Variants in UBE2N observed in about 807,000 individuals in gnomAD.
UBE2N encodes the protein ubiquitin conjugating enzyme E2 N, also known as ubiquitin-conjugating enzyme E2 N.
For missense variants in UBE2N, 60 were observed against 192.1 expected, an observed-to-expected ratio of 0.31 and a Z score of 4.07; for synonymous variants, 70 against 69.2, an observed-to-expected ratio of 1.01 and a Z score of -0.06.
At chr12:93,414,123 T>A (rs923006215) in intron 1 of UBE2N, among the ~76,000 whole-genome samples, 8 of 150,078 alleles carry the variant, frequency 5.3e-5, no homozygotes, top group African/African-American at 2.0e-4. Context: ...ATCGTGCCAT[T>A]GCACTCCAGC....
chr12:93,415,787 C>CA (rs1397352036), intron 1 of UBE2N, among the ~76,000 whole-genome samples: 6 of 152,124 alleles, frequency 3.9e-5, no homozygotes, highest in Non-Finnish European at 7.4e-5. Context: ...CCCAATCCAC[C>CA]ACTCACCAGT....
Position 93,407,084 on chromosome 12 carries a change from G to T in UBE2N, c.*2955C>A. The T allele has an allele frequency of 6.6e-6, 1 of 152,442 alleles. No homozygotes were observed. Among genetic ancestry groups the T allele is most frequent in the Non-Finnish European group, 1.5e-5 (1 of 68,106 alleles). 9.4% of individuals were successfully genotyped at this position (152,442 alleles called of 1,614,324 possible). On this transcript the variant is annotated 3_prime_UTR_variant, in exon 4 of 4. Coordinates refer to ENST00000318066, the MANE Select transcript of UBE2N (RefSeq NM_003348.4). ...GCTGGTCACAAACTCCTGGACTCAA[G>T]TGATCCTCCTGCCTTGGCCTCCTAA...
At chr12:93,430,033 C>G (rs1266296735) in intron 1 of UBE2N, among the ~76,000 whole-genome samples, 3 of 152,134 alleles carry the variant, frequency 2.0e-5, no homozygotes, top group Non-Finnish European at 4.4e-5. Context: ...AATGTCCTAG[C>G]CCTTCAAATC....
rs372483705 is a variant in UBE2N at position 93,426,826 on chromosome 12, G to A, written c.30+15029C>T. Among the ~76,000 whole-genome samples, 13 of 152,218 alleles carry A rather than the reference G, an allele frequency of 8.5e-5. No individual in the cohort carries two copies. In the East Asian group the frequency reaches 1.5e-3, roughly 18 times the overall value. ...TAAGGGAGTGTTAAGGGAAAACTGC[G>A]AGAGACGACAGTGCTGTCTCCCCTC... On this transcript the variant is annotated intron_variant, in intron 1 of 3. Transcript: ENST00000318066.
At chr12:93,414,682 T>C (rs1165323619) in intron 1 of UBE2N, among the ~76,000 whole-genome samples, 1 of 152,144 alleles carries the variant, frequency 6.6e-6, no homozygotes, top group East Asian at 1.9e-4. Flanking sequence ...GATATCCATA[T>C]GGCTTGCTCC....
rs947665638 is a variant in UBE2N at position 93,406,486 on chromosome 12, T to C, written c.*3553A>G. 4.6e-5 allele frequency: 7 copies of C among 152,158 alleles called. No individual in the cohort carries two copies. The highest frequency in any genetic ancestry group is 1.7e-4 in the African/African-American group (7 of 41,416). 9.4% of individuals were successfully genotyped at this position (152,158 alleles called of 1,614,324 possible). A position where few individuals can be genotyped will look rare whatever the true frequency, so the allele number is the denominator to read the frequency against. ...TGTTGGTTTGTATTTAATCTTATTT[T>C]TAAGTGCTTCTTTGAAATTGTTTTA... On this transcript the variant is annotated 3_prime_UTR_variant, in exon 4 of 4. Coordinates refer to ENST00000318066, the MANE Select transcript of UBE2N (RefSeq NM_003348.4).
At chr12:93,414,865 A>G (rs1878153143) in intron 1 of UBE2N, among the ~76,000 whole-genome samples, 1 of 152,218 alleles carries the variant, frequency 6.6e-6, no homozygotes, top group Admixed American at 6.5e-5. Context: ...GCTCCATGAG[A>G]GGATGGATTT....
chr12:93,415,087 A>G (rs1878164260), intron 1 of UBE2N, among the ~76,000 whole-genome samples: 1 of 152,226 alleles, frequency 6.6e-6, no homozygotes, highest in African/African-American at 2.4e-5. Context: ...GGAGCCACTC[A>G]GGTATGGGGA....
At chr12:93,423,786 T>A (rs1878490633) in intron 1 of UBE2N, among the ~76,000 whole-genome samples, 1 of 152,214 alleles carries the variant, frequency 6.6e-6, no homozygotes, top group South Asian at 2.1e-4. Context: ...TGCTTCTTTC[T>A]ACTGGAAGGT....
At chr12:93,428,908 C>T (rs1442450919) in intron 1 of UBE2N, among the ~76,000 whole-genome samples, 1 of 152,206 alleles carries the variant, frequency 6.6e-6, no homozygotes, top group African/African-American at 2.4e-5. Context: ...ACAGAACTTG[C>T]AGCACTTTTA....
intron 1 of UBE2N, among the ~76,000 whole-genome samples, chr12:93,417,849 G>A (rs1878268425): frequency 6.6e-6 from 1 of 151,914 alleles, no homozygotes; most frequent in South Asian, 2.1e-4. Context: ...TTTAAATAAA[G>A]AAAAAAATTA....
At chr12:93,436,950 T>C (rs1004850984) in intron 1 of UBE2N, among the ~76,000 whole-genome samples, 1 of 152,118 alleles carries the variant, frequency 6.6e-6, no homozygotes, top group Non-Finnish European at 1.5e-5. Flanking sequence ...CTGAAAGTTA[T>C]GAATAAGCAA....
chr12:93,418,316 A>G (rs1878286983), intron 1 of UBE2N, among the ~76,000 whole-genome samples: 1 of 152,130 alleles, frequency 6.6e-6, no homozygotes, highest in South Asian at 2.1e-4. Flanking sequence ...GTTAGCTGTG[A>G]TCATACCACT....
At chr12:93,418,445 G>C (rs1878292328) in intron 1 of UBE2N, among the ~76,000 whole-genome samples, 2 of 151,964 alleles carry the variant, frequency 1.3e-5, no homozygotes, top group Non-Finnish European at 2.9e-5. Context: ...CATTTTATCT[G>C]TAAGCCCTGT....
chr12:93,428,434 T>C (rs554490092), intron 1 of UBE2N, among the ~76,000 whole-genome samples: 5 of 152,266 alleles, frequency 3.3e-5, no homozygotes, highest in East Asian at 3.9e-4. Context: ...TCAGCTCAAA[T>C]ATCATCCTCT....
chr12:93,441,815 A>G, intron 1 of UBE2N, 40 bp downstream of exon 1: 1 of 1,577,596 alleles, frequency 6.3e-7, no homozygotes, highest in Non-Finnish European at 8.6e-7. Context: ...TGAGCCGACG[A>G]GAGCAGAGCG....
intron 1 of UBE2N, among the ~76,000 whole-genome samples, chr12:93,428,540 C>G (rs1821425348): frequency 6.6e-6 from 1 of 152,198 alleles, no homozygotes; most frequent in Non-Finnish European, 1.5e-5. Flanking sequence ...ATATACAAAG[C>G]AGTGCTAGCT....
chr12:93,438,298 T>C (rs1349092943), intron 1 of UBE2N, among the ~76,000 whole-genome samples: 1 of 151,686 alleles, frequency 6.6e-6, no homozygotes, highest in East Asian at 1.9e-4. Flanking sequence ...GAAAGGGAGA[T>C]AGGAGGATAA....
intron 1 of UBE2N, among the ~76,000 whole-genome samples, chr12:93,438,566 T>C (rs545963844): frequency 2.7e-5 from 4 of 150,050 alleles, no homozygotes; most frequent in Non-Finnish European, 5.9e-5. Flanking sequence ...CAGGGCCTTA[T>C]AGCTAAGGGG....
Sources: gnomAD v4.1 joint callset for allele counts (sites outside exome capture counted in the v4.1 genomes callset) on GRCh38, gnomAD v4.1.1 for gene constraint, MANE v1.5 for transcripts, NCBI Gene and HGNC (gene_info 2026-07-23, HGNC 2026-07-21) for gene names.